Variants in VSTM5 observed in about 807,000 individuals in gnomAD.
VSTM5 encodes V-set and transmembrane domain-containing protein 5.
In VSTM5, 21 loss-of-function variants were observed where a neutral mutation model predicts 20.3. That is an observed-to-expected ratio of 1.03 (90% CI 0.73 to 1.49). VSTM5 has a LOEUF of 1.49. VSTM5 is among the 40% of genes most tolerant of loss of function. VSTM5 has a pLI of 0.00. For synonymous variants in VSTM5, 100 were observed against 102.5 expected, an observed-to-expected ratio of 0.98 and a Z score of 0.14; for missense variants, 219 against 250.0, an observed-to-expected ratio of 0.88 and a Z score of 0.84.
chr11:93,841,851 G>A (rs1195228025), intron 1 of VSTM5, among the ~76,000 whole-genome samples: 1 of 152,212 alleles, frequency 6.6e-6, no homozygotes, highest in Non-Finnish European at 1.5e-5. Flanking sequence ...GATCAAGAGT[G>A]AAAGGACACA....
In VSTM5 at chr11:93,820,548, T is replaced by C; in HGVS notation, c.*21A>G. 6.4e-7 allele frequency: 1 copy of C among 1,551,834 alleles called. No individual in the cohort carries two copies. Among genetic ancestry groups the C allele is most frequent in the Non-Finnish European group, 8.7e-7 (1 of 1,146,990 alleles). ...GAATGGTTTCCTCTTGAGGTAGGAA[T>C]GCAGTCAGGCCCAGCCTTGGCTAAC... On this transcript the variant is annotated 3_prime_UTR_variant, in exon 4 of 4. Transcript: ENST00000409977.
At chr11:93,824,430 G>T (rs2135730416) in intron 1 of VSTM5, among the ~76,000 whole-genome samples, 1 of 152,210 alleles carries the variant, frequency 6.6e-6, no homozygotes, top group East Asian at 1.9e-4. Flanking sequence ...ACCTATTTAT[G>T]TACCTGTTGG....
At chr11:93,843,566 A>G (rs1347036893) in intron 1 of VSTM5, among the ~76,000 whole-genome samples, 2 of 152,200 alleles carry the variant, frequency 1.3e-5, no homozygotes, top group African/African-American at 4.8e-5. Flanking sequence ...ATCTCGTTGC[A>G]GGCTAACTCT....
chr11:93,832,169 G>A (rs1317037685), intron 1 of VSTM5, among the ~76,000 whole-genome samples: 1 of 152,158 alleles, frequency 6.6e-6, no homozygotes, highest in Middle Eastern at 3.2e-3. Context: ...GTGTTCACTG[G>A]TAAGGAACCA....
At chr11:93,825,691 A>T (rs558355908) in intron 1 of VSTM5, among the ~76,000 whole-genome samples, 1 of 149,972 alleles carries the variant, frequency 6.7e-6, no homozygotes, top group South Asian at 2.1e-4. Context: ...TTATTCCTAA[A>T]TATTTTATTA....
At chr11:93,843,610 G>A (rs180945178) in intron 1 of VSTM5, among the ~76,000 whole-genome samples, 1 of 152,276 alleles carries the variant, frequency 6.6e-6, no homozygotes, top group African/African-American at 2.4e-5. Flanking sequence ...TACAGTGCCT[G>A]TCATGAAGTG....
At chr11:93,830,352 C>T (rs76784510) in intron 1 of VSTM5, among the ~76,000 whole-genome samples, 7,024 of 152,286 alleles carry the variant, frequency 0.046, 503 homozygotes, top group African/African-American at 0.16. Context: ...CAGCCGGGAA[C>T]AGCTAGTGGT....
chr11:93,847,266 T>A (rs1277707805), intron 1 of VSTM5, among the ~76,000 whole-genome samples: 2 of 152,306 alleles, frequency 1.3e-5, no homozygotes, highest in Admixed American at 6.5e-5. Context: ...GCCACATGGA[T>A]GGCAGCGTTG....
intron 1 of VSTM5, among the ~76,000 whole-genome samples, chr11:93,836,486 C>G (rs1196244145): frequency 2.0e-5 from 3 of 152,224 alleles, no homozygotes; most frequent in African/African-American, 7.2e-5. Flanking sequence ...ACTGCCCTTT[C>G]TTCAGCCCCT....
chr11:93,835,489 T>C (rs1220459324), intron 1 of VSTM5, among the ~76,000 whole-genome samples: 1 of 152,192 alleles, frequency 6.6e-6, no homozygotes, highest in Non-Finnish European at 1.5e-5. Flanking sequence ...TATTTAGTTA[T>C]AGCAACCAAA....
chr11:93,846,700 T>A (rs1229085396), intron 1 of VSTM5, among the ~76,000 whole-genome samples: 2 of 152,098 alleles, frequency 1.3e-5, no homozygotes, highest in East Asian at 3.8e-4. Flanking sequence ...CTAAAAAAAA[T>A]TGGTGTAAAA....
At chr11:93,837,316 G>A (rs1207689884) in intron 1 of VSTM5, among the ~76,000 whole-genome samples, 1 of 152,110 alleles carries the variant, frequency 6.6e-6, no homozygotes, top group Non-Finnish European at 1.5e-5. Context: ...GTAGGTGTGA[G>A]CCACCTTGCC....
intron 1 of VSTM5, among the ~76,000 whole-genome samples, chr11:93,823,585 T>A (rs1433093167): frequency 6.6e-6 from 1 of 152,224 alleles, no homozygotes; most frequent in Non-Finnish European, 1.5e-5. Flanking sequence ...TCTATTTCTA[T>A]GAGTTCAATT....
intron 1 of VSTM5, among the ~76,000 whole-genome samples, chr11:93,822,475 T>G (rs1449062538): frequency 6.6e-6 from 1 of 151,806 alleles, no homozygotes; most frequent in East Asian, 1.9e-4. Context: ...CCTGGATCTC[T>G]ACTTTGTTTT....
intron 1 of VSTM5, among the ~76,000 whole-genome samples, chr11:93,843,089 T>TAA (rs57089036): frequency 2.8e-5 from 4 of 142,072 alleles, no homozygotes; most frequent in African/African-American, 1.0e-4. Context: ...ACACTCTGTC[T>TAA]AAAAAAAAAA....
chr11:93,824,100 G>A (rs1343023891), intron 1 of VSTM5, among the ~76,000 whole-genome samples: 2 of 152,138 alleles, frequency 1.3e-5, no homozygotes, highest in African/African-American at 4.8e-5. Flanking sequence ...TAGAGATGGG[G>A]TTTCACCATG....
intron 1 of VSTM5, among the ~76,000 whole-genome samples, chr11:93,846,691 TA>T (rs200966738): frequency 1.4e-4 from 21 of 151,616 alleles, no homozygotes; most frequent in African/African-American, 5.1e-4. Flanking sequence ...TGGATAGAGC[TA>T]AAAAAAATTG....
chr11:93,846,948 G>A (rs1944417873), intron 1 of VSTM5, among the ~76,000 whole-genome samples: 1 of 151,758 alleles, frequency 6.6e-6, no homozygotes, highest in Admixed American at 6.6e-5. Context: ...TGTATTTTTA[G>A]TAGAGACGGG....
At position 93,821,077 on chromosome 11, in the gene VSTM5, C is replaced by T. The variant is rs987899461; in HGVS notation, c.338G>A (p.Arg113Lys). The T allele has an allele frequency of 1.3e-6, 2 of 1,551,768 alleles. No individual in the cohort carries two copies. The highest frequency in any genetic ancestry group is 3.9e-5 in the Admixed American group (2 of 51,010). The change falls in exon 2 of 4, where the codon AGG becomes AAG. Residue 113 changes from arginine (R) to lysine (K), a missense_variant. Arg to Lys is a conservative substitution (Grantham distance 26, BLOSUM62 2). Transcript: ENST00000409977. The part of the protein sequence containing the change: ...GSIQLFSVGV[R>K]DSGYYVITVT... Reference sequence around the variant, plus strand: ...GGTGATGACATAGTAGCCGGAATCCCTCACTCCCACGCTGAAGAGCTGGAT... The same window carrying T: ...GGTGATGACATAGTAGCCGGAATCCTTCACTCCCACGCTGAAGAGCTGGAT...
Sources: allele counts gnomAD v4.1 joint callset (sites outside exome capture counted in the v4.1 genomes callset), GRCh38; gene constraint gnomAD v4.1.1; transcripts MANE v1.5; gene names NCBI Gene and HGNC (gene_info 2026-07-23, HGNC 2026-07-21).